The following EXD3 variants were observed in gnomAD, a reference collection of about 807,000 sequenced individuals.
The protein encoded by EXD3 is exonuclease 3'-5' domain containing 3.
EXD3 carries 92 observed loss-of-function variants against 98.0 expected under a neutral mutation model. That is an observed-to-expected ratio of 0.94 (90% CI 0.79 to 1.12). The LOEUF (loss-of-function observed/expected upper bound fraction) is 1.12, where lower values mean the gene tolerates loss of function less well. EXD3 is among the 50% of genes most tolerant of loss of function. EXD3 has a pLI of 0.00. For synonymous variants in EXD3, 569 were observed against 526.0 expected (o/e 1.08, Z -1.12); for missense variants, 1,222 against 1,191.6 (o/e 1.03, Z -0.38).
rs757478400 is a variant in EXD3 at position 137,354,387 on chromosome 9, C to T, written c.832-10G>A. 1 of 1,612,348 alleles carries T rather than the reference C, an allele frequency of 6.2e-7. No homozygotes were observed. The highest frequency in any genetic ancestry group is 8.5e-7 in the Non-Finnish European group (1 of 1,179,664). Reference sequence around the variant, plus strand: ...CCTGTGACAGGCTCTTCTGCAAAGGCAAACAGGAAGGGGCGGTTGCCAGGC... The same window carrying T: ...CCTGTGACAGGCTCTTCTGCAAAGGTAAACAGGAAGGGGCGGTTGCCAGGC... On this transcript the variant is annotated splice_polypyrimidine_tract_variant and intron_variant, in intron 9 of 21. Coordinates refer to ENST00000340951, the MANE Select transcript of EXD3 (RefSeq NM_017820.5).
At chr9:137,420,631 AC>A (rs1237618237) in intron 1 of EXD3, among the ~76,000 whole-genome samples, 1 of 152,066 alleles carries the variant, frequency 6.6e-6, no homozygotes, top group Non-Finnish European at 1.5e-5. Context: ...TGCCCTGTTT[AC>A]ATAGTTCCCT....
chr9:137,387,264 C>T (rs1836653102), intron 2 of EXD3, among the ~76,000 whole-genome samples: 1 of 152,150 alleles, frequency 6.6e-6, no homozygotes, highest in Non-Finnish European at 1.5e-5. Flanking sequence ...TCCTTCCAGG[C>T]CATGGCCGGT....
intron 1 of EXD3, among the ~76,000 whole-genome samples, chr9:137,396,919 G>GCTGCCCCAA (rs1837242352): frequency 6.6e-6 from 1 of 152,248 alleles, no homozygotes. Context: ...GGCAGCCCCA[G>GCTGCCCCAA]GACAGCTGCT....
intron 1 of EXD3, among the ~76,000 whole-genome samples, chr9:137,406,796 G>T (rs545176396): frequency 1.2e-4 from 18 of 152,162 alleles, no homozygotes; most frequent in African/African-American, 4.3e-4. Flanking sequence ...CCTCTGGGGT[G>T]TCTGTGTCCC....
chr9:137,311,263 T>G (rs1283904998), intron 19 of EXD3, among the ~76,000 whole-genome samples: 2 of 152,206 alleles, frequency 1.3e-5, no homozygotes, highest in Non-Finnish European at 1.5e-5. Context: ...TGACCTGGCC[T>G]CTGGGCCCAG....
intron 19 of EXD3, among the ~76,000 whole-genome samples, chr9:137,316,890 C>T (rs7035560): frequency 1.3e-5 from 2 of 152,192 alleles, no homozygotes; most frequent in Admixed American, 6.5e-5. Flanking sequence ...CCACCCTGCT[C>T]TGGTCCTTCC....
chr9:137,412,343 G>A (rs1211868470), intron 1 of EXD3, among the ~76,000 whole-genome samples: 1 of 152,182 alleles, frequency 6.6e-6, no homozygotes, highest in Non-Finnish European at 1.5e-5. Flanking sequence ...TTTTTATATC[G>A]ACTGCATGTG....
intron 19 of EXD3, among the ~76,000 whole-genome samples, chr9:137,312,635 C>T (rs1831426074): frequency 1.3e-5 from 2 of 152,216 alleles, no homozygotes; most frequent in South Asian, 4.1e-4. Context: ...AGCTGCTCAG[C>T]CACTGCCCCA....
chr9:137,372,346 G>T (rs1835665813), intron 5 of EXD3, among the ~76,000 whole-genome samples: 2 of 152,202 alleles, frequency 1.3e-5, no homozygotes, highest in South Asian at 4.1e-4. Context: ...TTCTGTGAGT[G>T]GGCACCACTC....
intron 2 of EXD3, among the ~76,000 whole-genome samples, chr9:137,390,972 C>G (rs887501352): frequency 6.6e-6 from 1 of 152,262 alleles, no homozygotes; most frequent in Non-Finnish European, 1.5e-5. Context: ...GGGACAGGGA[C>G]AAGCCCGTCC....
chr9:137,358,344 C>T (rs2119269078), intron 7 of EXD3, among the ~76,000 whole-genome samples: 1 of 152,308 alleles, frequency 6.6e-6, no homozygotes, highest in South Asian at 2.1e-4. Context: ...CTCCTGGTTT[C>T]AGCACGGAGC....
At chr9:137,373,832 G>T (rs1230544780) in intron 3 of EXD3, among the ~76,000 whole-genome samples, 1 of 152,206 alleles carries the variant, frequency 6.6e-6, no homozygotes, top group Non-Finnish European at 1.5e-5. Context: ...AAAGACAGAG[G>T]GCCTGTTCTC....
At position 137,311,832 on chromosome 9, in the gene EXD3, G is replaced by A. The variant is rs530029001; in HGVS notation, c.2185-2132C>T. On this transcript the variant is annotated intron_variant, in intron 19 of 21. Coordinates refer to ENST00000340951, the MANE Select transcript of EXD3 (RefSeq NM_017820.5). ...CAGGGCTGGCAGCCCTTGCTGGACCGACTGCCCTGGGCGGGTGGCTGCCAC... is the reference window on the plus strand; with the variant it reads ...CAGGGCTGGCAGCCCTTGCTGGACCAACTGCCCTGGGCGGGTGGCTGCCAC... Among the ~76,000 whole-genome samples, 319 of 152,264 alleles carry A rather than the reference G, an allele frequency of 2.1e-3. 1 individual carries two copies. Among genetic ancestry groups the A allele is most frequent in the African/African-American group, 7.2e-3 (301 of 41,556 alleles).
At chr9:137,316,909 T>C (rs926195357) in intron 19 of EXD3, among the ~76,000 whole-genome samples, 13 of 151,926 alleles carry the variant, frequency 8.6e-5, no homozygotes, top group Non-Finnish European at 1.3e-4. Context: ...CCAGGGGAGC[T>C]CTATGTGGGA....
At chr9:137,310,349 G>A (rs892191890) in intron 19 of EXD3, among the ~76,000 whole-genome samples, 3 of 152,164 alleles carry the variant, frequency 2.0e-5, no homozygotes, top group Admixed American at 1.3e-4. Flanking sequence ...GCTCAAATGA[G>A]CCTCCCACAT....
intron 3 of EXD3, among the ~76,000 whole-genome samples, chr9:137,381,904 C>T (rs1009270080): frequency 6.6e-6 from 1 of 152,110 alleles, no homozygotes; most frequent in Non-Finnish European, 1.5e-5. Flanking sequence ...TGCTGGAATC[C>T]GGGAATGTGA....
At chr9:137,396,698 G>A (rs192458375) in intron 1 of EXD3, among the ~76,000 whole-genome samples, 49 of 152,338 alleles carry the variant, frequency 3.2e-4, no homozygotes, top group African/African-American at 1.0e-3. Context: ...GACTCAGGAC[G>A]GACAGAGGCC....
chr9:137,419,799 G>A (rs1188090551), intron 1 of EXD3, among the ~76,000 whole-genome samples: 2 of 152,064 alleles, frequency 1.3e-5, no homozygotes, highest in East Asian at 3.9e-4. Context: ...CAGTAGACCA[G>A]ATAAAAACTT....
At chr9:137,328,741 G>A (rs1416329555) in intron 17 of EXD3, among the ~76,000 whole-genome samples, 22 of 12,242 alleles carry the variant, frequency 1.8e-3, no homozygotes, top group Admixed American at 9.1e-4. Context: ...ACTACACGGG[G>A]CTACACGGGA....
Sources: gnomAD v4.1 joint callset for allele counts (sites outside exome capture counted in the v4.1 genomes callset) on GRCh38, gnomAD v4.1.1 for gene constraint, MANE v1.5 for transcripts, NCBI Gene and HGNC (gene_info 2026-07-23, HGNC 2026-07-21) for gene names.